EEFSEC: variants seen among roughly 807,000 people sequenced by gnomAD.
EEFSEC encodes selenocysteine-specific elongation factor.
EEFSEC carries 43 observed loss-of-function variants against 42.1 expected under a neutral mutation model. The ratio of observed to expected loss-of-function variants is 1.02; its 90% confidence interval spans 0.80 to 1.32. The LOEUF (loss-of-function observed/expected upper bound fraction) is 1.32. Among genes scored for constraint, EEFSEC ranks in the 40% most tolerant of loss-of-function variants. The pLI is 0.00. For synonymous variants in EEFSEC, 354 were observed against 339.1 expected (o/e 1.04, Z -0.48); for missense variants, 745 against 803.6 (o/e 0.93, Z 0.88).
At chr3:128,249,838 G>T (rs562539880) in intron 2 of EEFSEC, among the ~76,000 whole-genome samples, 1 of 152,122 alleles carries the variant, frequency 6.6e-6, no homozygotes, top group East Asian at 1.9e-4. Context: ...TTCTTCTGTT[G>T]GTAGACACTT....
intron 4 of EEFSEC, among the ~76,000 whole-genome samples, chr3:128,332,690 C>T (rs2067147069): frequency 6.6e-6 from 1 of 152,206 alleles, no homozygotes; most frequent in Non-Finnish European, 1.5e-5. Flanking sequence ...ACCTGAGGTT[C>T]CCTCTCGCAG....
At chr3:128,264,343 G>C (rs937695541) in intron 3 of EEFSEC, among the ~76,000 whole-genome samples, 5 of 152,232 alleles carry the variant, frequency 3.3e-5, no homozygotes, top group African/African-American at 1.2e-4. Context: ...GACCATTGTA[G>C]CAGTCCCACG....
Position 128,153,558 on chromosome 3 carries a change from C to T in EEFSEC, c.51C>T (p.Asp17=). The T allele has an allele frequency of 6.5e-7, 1 of 1,533,592 alleles. No individual in the cohort carries two copies. The highest frequency in any genetic ancestry group is 8.7e-7 in the Non-Finnish European group (1 of 1,146,658). The allele number at this position is 1,533,592 out of a possible 1,614,324, so 95.0% of individuals were successfully genotyped here. Reference sequence around the variant, plus strand: ...ACGTGGGCGTGCTGGGCCACATCGACAGCGGCAAGACGGCGCTGGCGCGGG... The same window carrying T: ...ACGTGGGCGTGCTGGGCCACATCGATAGCGGCAAGACGGCGCTGGCGCGGG... ...NVNVGVLGHI[D]SGKTALARAL... Residue 17 remains aspartate, a synonymous_variant, in exon 1 of 7, where the codon GAC becomes GAT. Coordinates refer to ENST00000254730, the MANE Select transcript of EEFSEC (RefSeq NM_021937.5).
At chr3:128,276,878 G>T (rs1228593481) in intron 4 of EEFSEC, among the ~76,000 whole-genome samples, 2 of 152,222 alleles carry the variant, frequency 1.3e-5, no homozygotes, top group Non-Finnish European at 2.9e-5. Context: ...GTGTGGGAAT[G>T]CTGGGCACAT....
intron 2 of EEFSEC, 139 bp from the exon 3 acceptor site, chr3:128,261,989 C>T: frequency 2.6e-6 from 2 of 766,564 alleles, no homozygotes; most frequent in South Asian, 3.2e-5. Flanking sequence ...TACAGTGGTG[C>T]TGTCTTCTAG....
intron 4 of EEFSEC, among the ~76,000 whole-genome samples, chr3:128,337,490 C>T (rs1013722864): frequency 6.6e-6 from 1 of 152,196 alleles, no homozygotes; most frequent in Non-Finnish European, 1.5e-5. Context: ...TGGCCGCCCT[C>T]TCTCACAGGA....
intron 4 of EEFSEC, among the ~76,000 whole-genome samples, chr3:128,337,894 A>T (rs2067208025): frequency 6.6e-6 from 1 of 152,238 alleles, no homozygotes; most frequent in Non-Finnish European, 1.5e-5. Context: ...CCTGCAATCC[A>T]GCAGTTCAAC....
intron 4 of EEFSEC, among the ~76,000 whole-genome samples, chr3:128,329,587 G>A (rs1239878910): frequency 6.6e-6 from 1 of 152,232 alleles, no homozygotes; most frequent in Non-Finnish European, 1.5e-5. Flanking sequence ...GGACGAGGAG[G>A]GGCCTGGCAG....
chr3:128,338,262 G>A (rs191875372), intron 4 of EEFSEC, among the ~76,000 whole-genome samples: 14 of 152,312 alleles, frequency 9.2e-5, no homozygotes, highest in Admixed American at 8.5e-4. Flanking sequence ...AGGGAATGCT[G>A]TGCGCCAAAT....
intron 1 of EEFSEC, among the ~76,000 whole-genome samples, chr3:128,167,537 C>T (rs979566919): frequency 2.0e-5 from 3 of 152,226 alleles, no homozygotes; most frequent in African/African-American, 4.8e-5. Context: ...ATTCAATCCT[C>T]ATATTTCATT....
intron 1 of EEFSEC, among the ~76,000 whole-genome samples, chr3:128,174,721 A>T (rs11715394): frequency 0.11 from 16,905 of 152,210 alleles, 1,024 homozygotes; most frequent in South Asian, 0.18. Flanking sequence ...TGTTAGAGTT[A>T]GCAGTAACTG....
chr3:128,356,454 G>T (rs2067455387), intron 5 of EEFSEC, among the ~76,000 whole-genome samples: 1 of 152,112 alleles, frequency 6.6e-6, no homozygotes, highest in Non-Finnish European at 1.5e-5. Flanking sequence ...GGGGACAGAG[G>T]GCTGCAATTG....
intron 1 of EEFSEC, among the ~76,000 whole-genome samples, chr3:128,185,344 TC>T (rs1471408574): frequency 6.6e-6 from 1 of 152,186 alleles, no homozygotes; most frequent in African/African-American, 2.4e-5. Flanking sequence ...ATATATACCT[TC>T]TTTTTACTAA....
intron 4 of EEFSEC, among the ~76,000 whole-genome samples, chr3:128,329,769 C>T (rs1576642204): frequency 6.6e-6 from 1 of 152,356 alleles, no homozygotes; most frequent in East Asian, 1.9e-4. Context: ...CCCTGAGGGG[C>T]GGGAGCTGTG....
intron 4 of EEFSEC, among the ~76,000 whole-genome samples, chr3:128,302,518 TA>T (rs1422330430): frequency 2.6e-5 from 4 of 152,162 alleles, no homozygotes; most frequent in Admixed American, 6.5e-5. Flanking sequence ...ATTATTTTTT[TA>T]AAAAAGTTTG....
chr3:128,353,933 G>A (rs372942173), intron 5 of EEFSEC, among the ~76,000 whole-genome samples: 7 of 152,204 alleles, frequency 4.6e-5, no homozygotes, highest in Non-Finnish European at 1.0e-4. Context: ...AAAGGGGTGA[G>A]AGAGCAGAGT....
intron 3 of EEFSEC, among the ~76,000 whole-genome samples, chr3:128,263,845 C>T (rs1173996339): frequency 6.6e-6 from 1 of 152,170 alleles, no homozygotes; most frequent in East Asian, 1.9e-4. Flanking sequence ...GAGGCTGAGG[C>T]GTGTGGAGTC....
In EEFSEC at chr3:128,334,265, C is replaced by T. The variant is rs923303781; in HGVS notation, c.787-6968C>T. 7.2e-5 allele frequency among the ~76,000 whole-genome samples: 11 copies of T among 152,332 alleles called. No homozygotes were observed. The East Asian group carries it at 9.6e-4, about 13-fold the overall frequency. ...ATTGATGTGAGAGTCACACTGGTGG[C>T]GAGGAGTCCCCTGTCTTGAGTCTTC... On this transcript the variant is annotated intron_variant, in intron 4 of 6. Coordinates refer to ENST00000254730, the MANE Select transcript of EEFSEC (RefSeq NM_021937.5).
chr3:128,257,129 TGTGGGCAGCAAC>T (rs1479407271), intron 2 of EEFSEC, among the ~76,000 whole-genome samples: 1 of 152,234 alleles, frequency 6.6e-6, no homozygotes, highest in Non-Finnish European at 1.5e-5. Flanking sequence ...GTTGCATCAC[TGTGGGCAGCAAC>T]TGTGATCATT....
Sources: allele counts gnomAD v4.1 joint callset (sites outside exome capture counted in the v4.1 genomes callset), GRCh38; gene constraint gnomAD v4.1.1; transcripts MANE v1.5; gene names NCBI Gene and HGNC (gene_info 2026-07-23, HGNC 2026-07-21).